CCNH: variants seen among roughly 807,000 people sequenced by gnomAD.
CCNH encodes cyclin-H.
Under a neutral mutation model 41.9 loss-of-function variants are expected in CCNH, and 31 were observed. That is an observed-to-expected ratio of 0.74 (90% CI 0.56 to 1.00). The LOEUF is 1.00. Among genes scored for constraint, CCNH ranks in the 50% least tolerant of loss-of-function variants. The probability of loss-of-function intolerance (pLI) is 0.00; values close to 1 mark genes in which losing one functional copy is unlikely to be tolerated. For missense variants in CCNH, 362 were observed against 388.4 expected (o/e 0.93, Z 0.57); for synonymous variants, 138 against 136.1 (o/e 1.01, Z -0.10).
chr5:87,366,784 C>T (rs1352888270), intron 9 of CCNH, among the ~76,000 whole-genome samples: 1 of 152,218 alleles, frequency 6.6e-6, no homozygotes, highest in African/African-American at 2.4e-5. Flanking sequence ...GTAATCCCAG[C>T]ACTTCGGGAG....
At chr5:87,315,896 ATTCT>A (rs1433112469), downstream of CCNH, among the ~76,000 whole-genome samples, 16 of 152,190 alleles carry the variant, frequency 1.1e-4, no homozygotes, top group Non-Finnish European at 4.4e-5. Flanking sequence ...ATATAGGCTG[ATTCT>A]TTTTTCTAAT....
At chr5:87,378,669 T>G (rs1761490841), upstream of CCNH, 2 of 926,140 alleles carry the variant, frequency 2.2e-6, no homozygotes, top group East Asian at 2.7e-5. Context: ...GTTACACCTG[T>G]CTGTAATACA....
At chr5:87,326,326 T>C (rs182262875) in intron 9 of CCNH, among the ~76,000 whole-genome samples, 1 of 152,248 alleles carries the variant, frequency 6.6e-6, no homozygotes, top group Admixed American at 6.5e-5. Context: ...ATAGAGTGAT[T>C]TCTGTGACTT....
intron 9 of CCNH, among the ~76,000 whole-genome samples, chr5:87,384,914 T>A (rs1199828101): frequency 6.6e-6 from 1 of 152,124 alleles, no homozygotes; most frequent in East Asian, 1.9e-4. Context: ...ATTGCTCAGA[T>A]TGCTAACCTG....
rs773496528 is a variant in CCNH, at chr5:87,362,595, C to T, written c.*90+30175G>A. On this transcript the variant is annotated intron_variant and NMD_transcript_variant, in intron 9 of 9. Transcript: ENST00000645953. ...ATGACACAGTGGATGGCAAGGAAAT[C>T]TATAATACCATCCGTCGTAAAACAA... 3 of 1,596,330 alleles carry T rather than the reference C, an allele frequency of 1.9e-6. No individual in the cohort carries two copies. The highest frequency in any genetic ancestry group is 2.7e-5 in the African/African-American group (2 of 74,478).
upstream of CCNH, among the ~76,000 whole-genome samples, chr5:87,377,414 T>G (rs1291269984): frequency 6.6e-6 from 1 of 152,210 alleles, no homozygotes; most frequent in African/African-American, 2.4e-5. Flanking sequence ...CACTGCAACC[T>G]CTACCTCTCA....
chr5:87,367,866 CTT>C (rs922484819), intron 9 of CCNH, among the ~76,000 whole-genome samples: 2 of 151,962 alleles, frequency 1.3e-5, no homozygotes, highest in African/African-American at 4.8e-5. Context: ...GGTAATGTAT[CTT>C]TGTCTTTTCT....
intron 9 of CCNH, among the ~76,000 whole-genome samples, chr5:87,355,805 T>G (rs529136142): frequency 1.3e-5 from 2 of 152,360 alleles, no homozygotes; most frequent in Admixed American, 6.5e-5. Context: ...ATAACAACAT[T>G]AACAGAAGTT....
At chr5:87,376,673 AATG>A in exon 1 of CCNH, 2 of 1,375,238 alleles carry the variant, frequency 1.5e-6, no homozygotes, top group East Asian at 2.5e-5. Context: ...TTAGTAGCAC[AATG>A]ATGCCAGAGA....
At chr5:87,394,526 T>C in intron 8 of CCNH, 42 bp from the exon 9 acceptor site, 1 of 1,610,730 alleles carries the variant, frequency 6.2e-7, no homozygotes, top group East Asian at 2.2e-5. Context: ...CACTGAAGCA[T>C]AACCAGTATT....
chr5:87,412,554 A>C (rs1580473143), intron 1 of CCNH, 124 bp downstream of exon 1: 3 of 1,468,692 alleles, frequency 2.0e-6, no homozygotes, highest in Non-Finnish European at 2.7e-6. Context: ...TGATAGAAAA[A>C]CGCACTCCGC....
intron 9 of CCNH, among the ~76,000 whole-genome samples, chr5:87,338,504 TATA>T (rs1447425134): frequency 5.0e-4 from 6 of 11,928 alleles, no homozygotes; most frequent in Non-Finnish European, 1.2e-3. Context: ...GCTAATTTTA[TATA>T]TATATATATA....
downstream of CCNH, among the ~76,000 whole-genome samples, chr5:87,390,292 G>GAGAT (rs1762404817): frequency 2.0e-5 from 3 of 152,274 alleles, no homozygotes; most frequent in South Asian, 6.2e-4. Context: ...GTAGTTTCAG[G>GAGAT]AGATAGTGAA....
intron 9 of CCNH, chr5:87,362,469 C>G (rs2112455839): frequency 7.1e-7 from 1 of 1,413,734 alleles, no homozygotes; most frequent in Non-Finnish European, 9.9e-7. Flanking sequence ...AGCGCTTTGG[C>G]TTTTAATTGG....
chr5:87,389,269 T>G, downstream of CCNH: 1 of 1,259,126 alleles, frequency 7.9e-7, no homozygotes, highest in Non-Finnish European at 1.1e-6. Context: ...AGGCGGAGGT[T>G]GCAGTGAGCC....
chr5:87,363,337 T>G (rs767369946), intron 9 of CCNH: 1 of 1,597,762 alleles, frequency 6.3e-7, no homozygotes. Flanking sequence ...ACAATTTTTT[T>G]TTTTAAACAG....
downstream of CCNH, among the ~76,000 whole-genome samples, chr5:87,388,932 C>T (rs1326543018): frequency 6.6e-6 from 1 of 152,046 alleles, no homozygotes; most frequent in African/African-American, 2.4e-5. Context: ...ACCCCCCACC[C>T]CTTATTTTTA....
downstream of CCNH, among the ~76,000 whole-genome samples, chr5:87,317,789 C>T (rs1756455872): frequency 6.6e-6 from 1 of 151,980 alleles, no homozygotes; most frequent in African/African-American, 2.4e-5. Context: ...GCGCATACCA[C>T]CACACTCAGC....
chr5:87,358,492 C>A (rs1490716036), intron 9 of CCNH, among the ~76,000 whole-genome samples: 1 of 152,148 alleles, frequency 6.6e-6, no homozygotes, highest in Admixed American at 6.5e-5. Flanking sequence ...TCAGGAAGAT[C>A]ATACTGACTC....
Sources: gnomAD v4.1 joint callset for allele counts (sites outside exome capture counted in the v4.1 genomes callset) on GRCh38, gnomAD v4.1.1 for gene constraint, MANE v1.5 for transcripts, NCBI Gene and HGNC (gene_info 2026-07-23, HGNC 2026-07-21) for gene names.